The following KCNH1 variants were observed in gnomAD, a reference collection of about 807,000 sequenced individuals.
KCNH1 encodes voltage-gated delayed rectifier potassium channel KCNH1.
A neutral mutation model predicts 69.2 loss-of-function variants in KCNH1; 27 were observed. That is an observed-to-expected ratio of 0.39 (90% CI 0.29 to 0.54). The LOEUF is 0.54. Ranked by LOEUF, KCNH1 falls within the 20% of genes least tolerant of loss-of-function variation. KCNH1 has a pLI of 0.68. For synonymous variants in KCNH1, 456 were observed against 487.7 expected, an observed-to-expected ratio of 0.93 and a Z score of 0.86; for missense variants, 798 against 1,261.6, an observed-to-expected ratio of 0.63 and a Z score of 5.57.
chr1:210,879,380 C>A (rs1166102284), intron 7 of KCNH1, among the ~76,000 whole-genome samples: 1 of 151,726 alleles, frequency 6.6e-6, no homozygotes, highest in Non-Finnish European at 1.5e-5. Flanking sequence ...AAATTAAATC[C>A]AACAATGAAT....
intron 7 of KCNH1, 110 bp from the exon 8 acceptor site, chr1:210,804,276 C>T: frequency 1.2e-6 from 1 of 856,272 alleles, no homozygotes; most frequent in Non-Finnish European, 1.9e-6. Flanking sequence ...AGAGCTGTCC[C>T]TCCCCAGTGC....
At chr1:211,031,132 AG>A in intron 5 of KCNH1, among the ~76,000 whole-genome samples, 1 of 152,208 alleles carries the variant, frequency 6.6e-6, no homozygotes, top group South Asian at 2.1e-4. Context: ...CAAATAAACT[AG>A]AAAATCTAGA....
intron 1 of KCNH1, among the ~76,000 whole-genome samples, chr1:211,131,392 C>A (rs899563670): frequency 1.3e-5 from 2 of 152,074 alleles, no homozygotes; most frequent in Non-Finnish European, 2.9e-5. Flanking sequence ...TAAGGAATAC[C>A]AGCCTCAGGC....
chr1:211,134,106 C>A lies in KCNH1; in HGVS notation c.-161G>T, dbSNP rs1691931438. The A allele has an allele frequency of 1.9e-6, 1 of 538,110 alleles. No individual in the cohort carries two copies. Among genetic ancestry groups the A allele is most frequent in the East Asian group, 3.5e-5 (1 of 28,586 alleles). The allele number at this position is 538,110 out of a possible 1,614,324, so 33.3% of individuals were successfully genotyped here. ...CGGCTCCCTCTGGCTGCTACCCTCGCGCCCTCTTCGCGCCTCCCTCCCTGC... is the reference window on the plus strand; with the variant it reads ...CGGCTCCCTCTGGCTGCTACCCTCGAGCCCTCTTCGCGCCTCCCTCCCTGC... On this transcript the variant is annotated 5_prime_UTR_variant, in exon 1 of 11. Transcript: ENST00000271751. The surrounding 1 kb of genome is among the most constrained non-coding windows in gnomAD (Gnocchi z 5.7).
chr1:210,788,854 G>A (rs910919597), intron 9 of KCNH1, among the ~76,000 whole-genome samples: 4 of 149,748 alleles, frequency 2.7e-5, no homozygotes, highest in Non-Finnish European at 4.4e-5. Flanking sequence ...CCGCCACTAC[G>A]CCCGGCTAAT....
At chr1:210,987,357 C>G (rs1433091715) in intron 6 of KCNH1, among the ~76,000 whole-genome samples, 5 of 152,194 alleles carry the variant, frequency 3.3e-5, no homozygotes, top group Non-Finnish European at 7.3e-5. Context: ...AGGAGAGGCA[C>G]TCTGCTTTTT....
intron 6 of KCNH1, among the ~76,000 whole-genome samples, chr1:210,975,841 A>G (rs1019539775): frequency 6.6e-6 from 1 of 152,238 alleles, no homozygotes; most frequent in African/African-American, 2.4e-5. Context: ...AAATTTTTGC[A>G]GTCTACTCAT....
intron 1 of KCNH1, among the ~76,000 whole-genome samples, chr1:211,112,278 C>A: frequency 7.3e-6 from 1 of 136,258 alleles, no homozygotes; most frequent in South Asian, 2.6e-4. Flanking sequence ...TGCCCCATCC[C>A]CCACCGCCCA....
At chr1:210,889,946 A>G (rs1686709144) in intron 7 of KCNH1, among the ~76,000 whole-genome samples, 1 of 152,216 alleles carries the variant, frequency 6.6e-6, no homozygotes, top group African/African-American at 2.4e-5. Context: ...AAGAATCAGT[A>G]TCATGAAAAT....
At chr1:211,104,658 G>A (rs1197245664) in intron 2 of KCNH1, among the ~76,000 whole-genome samples, 2 of 152,154 alleles carry the variant, frequency 1.3e-5, no homozygotes, top group African/African-American at 4.8e-5. Context: ...GGGCTGGAAT[G>A]TCCAGTTCTC....
chr1:210,781,631 G>A (rs1420656268), intron 9 of KCNH1, among the ~76,000 whole-genome samples: 1 of 152,150 alleles, frequency 6.6e-6, no homozygotes, highest in Admixed American at 6.5e-5. Flanking sequence ...CACTGAACTA[G>A]ATCATTCAGG....
chr1:210,862,069 G>C lies in KCNH1; in HGVS notation c.1462+57571C>G, dbSNP rs541914640. The C allele has an allele frequency of 1.4e-5, 12 of 832,320 alleles. No homozygotes were observed. The African/African-American group carries it at 1.8e-4, about 13-fold the overall frequency. The allele number at this position is 832,320 out of a possible 1,614,324, so 51.6% of individuals were successfully genotyped here. ...ATAAGGGGATATATACTTTTGTGCT[G>C]TTTCTTGACCAGGCCAATACTGTGT... On this transcript the variant is annotated intron_variant, in intron 7 of 10. Transcript: ENST00000271751.
chr1:210,889,741 A>G (rs2102520652), intron 7 of KCNH1, among the ~76,000 whole-genome samples: 1 of 152,284 alleles, frequency 6.6e-6, no homozygotes. Context: ...AAAAATCACA[A>G]GCATTATTGT....
At position 211,133,527 on chromosome 1, in the gene KCNH1, C is replaced by G. The variant is rs1040251211; in HGVS notation, c.79+340G>C. Among the ~76,000 whole-genome samples the G allele has an allele frequency of 1.3e-5, 2 of 152,150 alleles. No individual in the cohort carries two copies. The highest frequency in any genetic ancestry group is 4.8e-5 in the African/African-American group (2 of 41,438). ...GGAAGGGTGGGCAGTGCCGATGGGG[C>G]GCGCGCTGCCGCTCCGGCTGCAGCC... On this transcript the variant is annotated intron_variant, in intron 1 of 10. Transcript: ENST00000271751. This position sits in a 1 kb window ranked among gnomAD's most constrained non-coding sequence, Gnocchi z 5.4.
chr1:210,892,827 C>G (rs886184727), intron 7 of KCNH1, among the ~76,000 whole-genome samples: 1 of 152,292 alleles, frequency 6.6e-6, no homozygotes, highest in African/African-American at 2.4e-5. Context: ...AATACTGATC[C>G]ACTCAATAAG....
chr1:211,083,918 A>G (rs1332428527), intron 4 of KCNH1, among the ~76,000 whole-genome samples: 3 of 152,166 alleles, frequency 2.0e-5, no homozygotes, highest in Non-Finnish European at 4.4e-5. Flanking sequence ...TCCATATTTT[A>G]TTTTTCTACA....
At chr1:211,131,731 G>A (rs965020351) in intron 1 of KCNH1, among the ~76,000 whole-genome samples, 2 of 152,014 alleles carry the variant, frequency 1.3e-5, no homozygotes, top group African/African-American at 2.4e-5. Flanking sequence ...TTATAAAAGG[G>A]ATCACCTTTT....
intron 9 of KCNH1, among the ~76,000 whole-genome samples, chr1:210,793,561 G>A (rs1050444238): frequency 3.9e-5 from 6 of 152,172 alleles, no homozygotes; most frequent in African/African-American, 1.2e-4. Context: ...AACACACTCA[G>A]TTATGAGTAC....
rs1571643219 is a variant in KCNH1 at position 211,095,955 on chromosome 1, A to G, written c.311-5265T>C. Among the ~76,000 whole-genome samples the G allele has an allele frequency of 2.0e-5, 3 of 152,310 alleles. No individual in the cohort carries two copies. In the Middle Eastern group the frequency reaches 0.01, roughly 518 times the overall value. On this transcript the variant is annotated intron_variant, in intron 3 of 10. Coordinates refer to ENST00000271751, the MANE Select transcript of KCNH1 (RefSeq NM_172362.3). Reference sequence around the variant, plus strand: ...CATCAGTTTAACTTCTCTCACCATCAGCCTCTTCATTTGTAAAATGGGGAT... The same window carrying G: ...CATCAGTTTAACTTCTCTCACCATCGGCCTCTTCATTTGTAAAATGGGGAT...
Sources: allele counts gnomAD v4.1 joint callset (sites outside exome capture counted in the v4.1 genomes callset), GRCh38; gene constraint gnomAD v4.1.1; non-coding constraint Gnocchi (gnomAD v3.1); transcripts MANE v1.5; gene names NCBI Gene and HGNC (gene_info 2026-07-23, HGNC 2026-07-21).